Variants in PLA2G4E observed in about 807,000 individuals in gnomAD.
PLA2G4E encodes phospholipase A2 group IVE, also known as cytosolic phospholipase A2 epsilon.
In PLA2G4E, 84 loss-of-function variants were observed where a neutral mutation model predicts 109.1. That is an observed-to-expected ratio of 0.77 (90% CI 0.65 to 0.92). The LOEUF is 0.92. PLA2G4E is among the 40% of genes least tolerant of loss of function. PLA2G4E has a pLI of 0.00. For synonymous variants in PLA2G4E, 469 were observed against 436.1 expected, an observed-to-expected ratio of 1.08 and a Z score of -0.94; for missense variants, 1,057 against 1,076.6, an observed-to-expected ratio of 0.98 and a Z score of 0.25.
chr15:42,014,373 C>T (rs954657128), intron 1 of PLA2G4E, among the ~76,000 whole-genome samples: 1 of 152,176 alleles, frequency 6.6e-6, no homozygotes, highest in East Asian at 1.9e-4. Flanking sequence ...AATGAATGTT[C>T]CAGCCCCATG....
intron 17 of PLA2G4E, 31 bp downstream of exon 17, chr15:41,987,141 C>T: frequency 6.3e-7 from 1 of 1,582,368 alleles, no homozygotes; most frequent in South Asian, 1.1e-5. Context: ...CATATGGAGG[C>T]AGGCCTCAAG....
rs560836734 is a variant in PLA2G4E, at chr15:42,036,522, C to T, written c.183+13999G>A. Among the ~76,000 whole-genome samples, 20 of 152,238 alleles carry T rather than the reference C, an allele frequency of 1.3e-4. No individual in the cohort carries two copies. The South Asian group carries it at 3.9e-3, about 30-fold the overall frequency. ...CTGTGCCTCGGGTGGAGGCTCTGCTCGGCGCTGCTCAGGGCCGCGTCCCCA... is the reference window on the plus strand; with the variant it reads ...CTGTGCCTCGGGTGGAGGCTCTGCTTGGCGCTGCTCAGGGCCGCGTCCCCA... On this transcript the variant is annotated intron_variant, in intron 1 of 19. Coordinates refer to ENST00000399518, the Ensembl canonical transcript of PLA2G4E.
chr15:42,002,648 A>G lies in PLA2G4E; in HGVS notation c.609+6T>C. The G allele has an allele frequency of 1.9e-6, 3 of 1,582,944 alleles. No homozygotes were observed. Among genetic ancestry groups the G allele is most frequent in the Non-Finnish European group, 2.6e-6 (3 of 1,164,306 alleles). ...TGGAGCTACAGGAACCCAGGAAGAT[A>G]ATTACCACCAGCACGCCATTGGTGA... On this transcript the variant is annotated splice_donor_region_variant and intron_variant, in intron 6 of 19. Transcript: ENST00000399518.
Position 42,013,768 on chromosome 15 carries a change from A to G in PLA2G4E, c.184-11T>C. The G allele has an allele frequency of 6.5e-7, 1 of 1,542,206 alleles. No homozygotes were observed. Among genetic ancestry groups the G allele is most frequent in the South Asian group, 1.2e-5 (1 of 83,860 alleles). ...TGGAGACAGCCCCTCCTGTGGAAGG[A>G]GAGGACAGAGGACTCAGTCTTCAAG... is the stretch of plus-strand genomic sequence containing the variant. On this transcript the variant is annotated splice_polypyrimidine_tract_variant and intron_variant, in intron 1 of 19. Transcript: ENST00000399518.
At chr15:41,992,666 T>G in intron 13 of PLA2G4E, 71 bp downstream of exon 13, 1 of 1,461,452 alleles carries the variant, frequency 6.8e-7, no homozygotes, top group Non-Finnish European at 9.4e-7. Context: ...AAGTCCTGAC[T>G]CCCCTGAGGA....
chr15:42,030,286 ACT>A (rs1889089481), intron 1 of PLA2G4E, among the ~76,000 whole-genome samples: 1 of 152,008 alleles, frequency 6.6e-6, no homozygotes, highest in Non-Finnish European at 1.5e-5. Flanking sequence ...AGAACAAGTG[ACT>A]CTCAGCACTG....
chr15:42,046,695 C>T (rs762645330), intron 1 of PLA2G4E, among the ~76,000 whole-genome samples: 8 of 152,156 alleles, frequency 5.3e-5, no homozygotes, highest in Non-Finnish European at 1.0e-4. Context: ...GCTCTCTCTC[C>T]CACTCCTAGA....
At chr15:42,017,062 G>A (rs1451424701) in intron 1 of PLA2G4E, among the ~76,000 whole-genome samples, 4 of 152,302 alleles carry the variant, frequency 2.6e-5, no homozygotes, top group South Asian at 4.1e-4. Context: ...TGTACCCACC[G>A]GCCCACTTTC....
chr15:42,027,241 G>T (rs1206179317), intron 1 of PLA2G4E, among the ~76,000 whole-genome samples: 1 of 152,162 alleles, frequency 6.6e-6, no homozygotes, highest in Non-Finnish European at 1.5e-5. Flanking sequence ...CTTCAATATG[G>T]CTAGGGAATA....
chr15:41,995,226 G>A (rs1038963242), intron 12 of PLA2G4E, 134 bp downstream of exon 12: 4 of 1,191,980 alleles, frequency 3.4e-6, no homozygotes, highest in Admixed American at 5.0e-5. Context: ...CCACACCACT[G>A]CATGTGGGGC....
chr15:41,989,515 C>T (rs1234175582), exon 15 of PLA2G4E: 1 of 1,613,934 alleles, frequency 6.2e-7, no homozygotes, highest in Admixed American at 1.7e-5. Flanking sequence ...CCCCATACTT[C>T]TGCAGGCCCA....
chr15:41,984,112 C>A, intron 19 of PLA2G4E, 138 bp from the exon 20 acceptor site: 1 of 795,656 alleles, frequency 1.3e-6, no homozygotes, highest in Non-Finnish European at 2.0e-6. Context: ...ACACGCACAC[C>A]CTCACACACG....
chr15:41,985,197 G>C (rs2068120684), intron 18 of PLA2G4E, among the ~76,000 whole-genome samples: 1 of 152,162 alleles, frequency 6.6e-6, no homozygotes, highest in Non-Finnish European at 1.5e-5. Context: ...CTCCCTCCAA[G>C]AGCTGGTGTA....
intron 1 of PLA2G4E, among the ~76,000 whole-genome samples, chr15:42,023,307 G>A (rs1241790504): frequency 6.6e-6 from 1 of 151,660 alleles, no homozygotes; most frequent in Non-Finnish European, 1.5e-5. Flanking sequence ...TTTGGACCCA[G>A]TCTGCCCTGT....
intron 1 of PLA2G4E, among the ~76,000 whole-genome samples, chr15:42,047,627 C>T (rs745357865): frequency 5.3e-5 from 8 of 152,144 alleles, no homozygotes; most frequent in Non-Finnish European, 8.8e-5. Context: ...AAATCTGCCA[C>T]GTAAGTAATC....
rs112178122 is a variant in PLA2G4E, at chr15:42,019,387, C to T, written c.184-5630G>A. Among the ~76,000 whole-genome samples, 135 of 152,354 alleles carry T rather than the reference C, an allele frequency of 8.9e-4. 1 individual carries two copies. The highest frequency in any genetic ancestry group is 3.4e-3 in the Middle Eastern group (1 of 294). ...TGGGGTCTGGGGAAGGGTCTGACAA[C>T]CACATTTCAGAGGTGGTGGATCCGA... On this transcript the variant is annotated intron_variant, in intron 1 of 19. Transcript: ENST00000399518.
rs202221046 is a variant in PLA2G4E at position 42,010,132 on chromosome 15, G to GC, written c.257-2268dup. ...TTCCCTTGGCTTTTCCAGAACACTG[G>GC]CCCCCCCACCCCGGGCCTGGACCAC... On this transcript the variant is annotated intron_variant, in intron 2 of 19. Coordinates refer to ENST00000399518, the Ensembl canonical transcript of PLA2G4E. 1,866 of 425,742 alleles carry GC rather than the reference G, an allele frequency of 4.4e-3. 136 individuals are homozygous for GC. Among genetic ancestry groups the GC allele is most frequent in the South Asian group, 0.011 (556 of 49,052 alleles). The allele number at this position is 425,742 out of a possible 1,614,324, so 26.4% of individuals were successfully genotyped here.
intron 11 of PLA2G4E, 26 bp downstream of exon 11, chr15:41,997,097 AG>A: frequency 6.5e-7 from 1 of 1,542,088 alleles, no homozygotes; most frequent in South Asian, 1.2e-5. Context: ...AGCTGGGCCC[AG>A]GCTGGCCACA....
chr15:41,999,671 G>A (rs2068392846), intron 9 of PLA2G4E, 110 bp from the exon 10 acceptor site: 2 of 1,351,372 alleles, frequency 1.5e-6, no homozygotes, highest in Admixed American at 2.1e-5. Flanking sequence ...GCACACACAG[G>A]CGCTCCATCC....
Sources: gnomAD v4.1 joint callset for allele counts (sites outside exome capture counted in the v4.1 genomes callset) on GRCh38, gnomAD v4.1.1 for gene constraint, MANE v1.5 for transcripts, NCBI Gene and HGNC (gene_info 2026-07-23, HGNC 2026-07-21) for gene names.